The following HERC1 variants were observed in gnomAD, a reference collection of about 807,000 sequenced individuals.
HERC1 encodes probable E3 ubiquitin-protein ligase HERC1.
A neutral mutation model predicts 554.3 loss-of-function variants in HERC1; 160 were observed. The ratio of observed to expected loss-of-function variants is 0.29; its 90% CI spans 0.25 to 0.33. HERC1 has a LOEUF of 0.33. Among genes scored for constraint, HERC1 ranks in the 10% least tolerant of loss-of-function variants. The probability of loss-of-function intolerance (pLI) is 1.00; values close to 1 mark genes in which losing one functional copy is unlikely to be tolerated. For synonymous variants in HERC1, 2,175 were observed against 2,131.7 expected (o/e 1.02, Z -0.56); for missense variants, 4,919 against 5,918.5 (o/e 0.83, Z 5.54).
At chr15:63,812,233 C>G (rs2077346588) in intron 1 of HERC1, among the ~76,000 whole-genome samples, 2 of 152,190 alleles carry the variant, frequency 1.3e-5, no homozygotes, top group Admixed American at 6.5e-5. Context: ...CAGCGAATAG[C>G]CTGGTTCACC....
rs779488866 is a variant in HERC1 at position 63,749,448 on chromosome 15, C to T, written c.2138G>A (p.Ser713Asn). The change falls in exon 10 of 78, where the codon AGT (serine) becomes AAT (asparagine). Residue 713 changes from serine (S) to asparagine (N), a missense_variant. By Grantham distance (46) the Ser-to-Asn change is conservative. This residue lies in a region of HERC1 where 744 missense variants were observed against 1,090.0 expected (regional missense o/e 0.68). Coordinates refer to ENST00000443617, the MANE Select transcript of HERC1 (RefSeq NM_003922.4). The surrounding 1 kb of genome is among the most constrained non-coding windows in gnomAD (Gnocchi z 4.1). ...TGPITKPKKV[S>N]GLDGIAIQQI... is the part of the protein sequence containing the mutation. ...CTGAATAGCTATGCCATCTAAGCCA[C>T]TCACTTTCTTTGGTTTAGTAATAGG... 44 of 1,613,718 alleles carry T rather than the reference C, an allele frequency of 2.7e-5. No individual in the cohort carries two copies. In the African/African-American group the frequency reaches 4.8e-4, roughly 18 times the overall value.
At chr15:63,702,711 T>G (rs1413426932) in intron 25 of HERC1, among the ~76,000 whole-genome samples, 1 of 152,222 alleles carries the variant, frequency 6.6e-6, no homozygotes, top group Non-Finnish European at 1.5e-5. Context: ...CTTAGAACAA[T>G]GCTCATATAG....
chr15:63,697,378 G>T (rs915573649), intron 26 of HERC1, among the ~76,000 whole-genome samples: 1 of 151,864 alleles, frequency 6.6e-6, no homozygotes, highest in Non-Finnish European at 1.5e-5. Context: ...ATGGATTTGG[G>T]GGAAGAATAC....
rs2069581602 is a variant in HERC1 at position 63,649,934 on chromosome 15, G to GA, written c.10547-10dup. 1 of 1,560,388 alleles carries GA rather than the reference G, an allele frequency of 6.4e-7. No homozygotes were observed. Among genetic ancestry groups the GA allele is most frequent in the African/African-American group, 1.4e-5 (1 of 73,004 alleles). ...TACTAATCCTTTTCCTCCTAAAAGGGAAAAAATGTTAACTAGTTTTTACTT... is the reference window on the plus strand; with the variant it reads ...TACTAATCCTTTTCCTCCTAAAAGGGAAAAAAATGTTAACTAGTTTTTACTT... On this transcript the variant is annotated splice_polypyrimidine_tract_variant and intron_variant, in intron 53 of 77. Coordinates refer to ENST00000443617, the MANE Select transcript of HERC1 (RefSeq NM_003922.4).
chr15:63,752,978 C>A lies in HERC1; in HGVS notation c.1882G>T (p.Ala628Ser), dbSNP rs558667337. Reference sequence around the variant, plus strand: ...CCTACCTGCCCTGTTGATGTCAAAGCAAGTGAAGACTGGCTCCCAGCACAA... The same window carrying A: ...CCTACCTGCCCTGTTGATGTCAAAGAAAGTGAAGACTGGCTCCCAGCACAA... ...KVCAGSQSSL[A>S]LTSTGQVYAW... is the part of the protein sequence containing the mutation. Residue 628 changes from alanine to serine, a missense_variant, in exon 8 of 78, where the codon GCT becomes TCT. This residue lies in a region of HERC1 where 744 missense variants were observed against 1,090.0 expected (regional missense o/e 0.68). Transcript: ENST00000443617. 1.2e-6 allele frequency: 2 copies of A among 1,613,564 alleles called. No homozygotes were observed. The highest frequency in any genetic ancestry group is 1.7e-5 in the Admixed American group (1 of 59,980).
Position 63,672,640 on chromosome 15 carries a change from A to G in HERC1, c.7901T>C (p.Val2634Ala). The G allele has an allele frequency of 6.2e-7, 1 of 1,613,012 alleles. No individual in the cohort carries two copies. Among genetic ancestry groups the G allele is most frequent in the South Asian group, 1.1e-5 (1 of 90,758 alleles). The part of the protein sequence containing the change: ...SDPAQQAQTP[V>A]TTSPSASSTT... ...GCTTGAGGCTGATGGGCTAGTAGTA[A>G]CTGGTGTCTGTGCCTGCTGGGCAGG... Residue 2634 changes from valine (V) to alanine (A), a missense_variant, in exon 39 of 78, where the codon GTT becomes GCT. Around this residue, in one of 11 missense-constraint regions of HERC1, gnomAD observed 1,963 missense variants for 2,228.6 expected, o/e 0.88. Coordinates refer to ENST00000443617, the MANE Select transcript of HERC1 (RefSeq NM_003922.4).
At position 63,713,549 on chromosome 15, in the gene HERC1, G is replaced by A; in HGVS notation, c.4267C>T (p.Gln1423Ter). ...RADDPPPQSQ[Q>*]ERRVSTDLPE... ...AGGTCTGTGCTGACCCTTCGCTCTT[G>A]CTGAGACTGAGGAGGTGGATCATCA... The change falls in exon 23 of 78, where the codon CAA becomes TAA. Residue 1423 changes from glutamine (Q) to a stop codon, truncating the protein, a stop_gained. Transcript: ENST00000443617. LOFTEE classifies it high-confidence loss of function. 6.2e-7 allele frequency: 1 copy of A among 1,613,952 alleles called. No individual in the cohort carries two copies. The highest frequency in any genetic ancestry group is 8.5e-7 in the Non-Finnish European group (1 of 1,179,862).
Position 63,691,267 on chromosome 15 carries a change from A to C in HERC1, c.5831-620T>G, listed in dbSNP as rs571555769. On this transcript the variant is annotated intron_variant, in intron 31 of 77. Coordinates refer to ENST00000443617, the MANE Select transcript of HERC1 (RefSeq NM_003922.4). ...GATCACTTAAGGCCAGGAGTTCAAG[A>C]CCAGCCTGGCCAACATGGTGAAACC... Among the ~76,000 whole-genome samples the C allele has an allele frequency of 6.2e-4, 94 of 152,108 alleles. 2 individuals carry two copies. Among genetic ancestry groups the C allele is most frequent in the African/African-American group, 2.1e-3 (89 of 41,522 alleles).
chr15:63,643,066 G>T lies in HERC1; in HGVS notation c.11332-8C>A. 1.3e-6 allele frequency: 2 copies of T among 1,560,118 alleles called. No individual in the cohort carries two copies. The highest frequency in any genetic ancestry group is 1.8e-6 in the Non-Finnish European group (2 of 1,132,762). On this transcript the variant is annotated splice_region_variant and splice_polypyrimidine_tract_variant and intron_variant, in intron 58 of 77. Coordinates refer to ENST00000443617, the MANE Select transcript of HERC1 (RefSeq NM_003922.4). ...TTGCAAGACAGAGCCATCCTAAAAT[G>T]AGATATATTTACCAATACACACCAT...
intron 1 of HERC1, among the ~76,000 whole-genome samples, chr15:63,798,270 T>C (rs2076870108): frequency 6.6e-6 from 1 of 152,172 alleles, no homozygotes; most frequent in South Asian, 2.1e-4. Flanking sequence ...CAAACCAAAA[T>C]CTGATGTTAC....
chr15:63,649,687 G>T (rs2069569646), intron 54 of HERC1, 38 bp downstream of exon 54: 4 of 1,536,060 alleles, frequency 2.6e-6, no homozygotes, highest in Non-Finnish European at 3.6e-6. Flanking sequence ...AAAGGAAGTT[G>T]GAGACTCCGT....
intron 1 of HERC1, among the ~76,000 whole-genome samples, chr15:63,832,672 T>C (rs563507309): frequency 6.6e-6 from 1 of 152,346 alleles, no homozygotes; most frequent in South Asian, 2.1e-4. Context: ...ACAATCATTT[T>C]GGAAAAGGGC....
At chr15:63,789,143 T>C (rs1486846113) in intron 1 of HERC1, among the ~76,000 whole-genome samples, 1 of 116,468 alleles carries the variant, frequency 8.6e-6, no homozygotes, top group Non-Finnish European at 1.7e-5. Context: ...CAGGCTGGAG[T>C]GCAGTGGTGC....
At chr15:63,765,136 C>A (rs7175726) in intron 2 of HERC1, among the ~76,000 whole-genome samples, 123,601 of 152,096 alleles carry the variant, frequency 0.81, 52,037 homozygotes, top group Non-Finnish European at 0.87. Flanking sequence ...TAACTACTCT[C>A]TGTTCACCTT....
chr15:63,661,161 G>A (rs758233555), intron 45 of HERC1, 136 bp from the exon 46 acceptor site: 2 of 650,776 alleles, frequency 3.1e-6, no homozygotes, highest in Non-Finnish European at 2.7e-6. Context: ...CATGTTATAG[G>A]CTAACATAAT....
At chr15:63,658,821 T>C (rs2070191969) in intron 47 of HERC1, 103 bp from the exon 48 acceptor site, 7 of 866,888 alleles carry the variant, frequency 8.1e-6, no homozygotes, top group Middle Eastern at 6.4e-4. Context: ...AACAAACCAA[T>C]GTCTTTTGCT....
intron 70 of HERC1, 54 bp downstream of exon 70, chr15:63,628,623 T>G: frequency 6.5e-7 from 1 of 1,539,012 alleles, no homozygotes. Flanking sequence ...GACAGTGCCA[T>G]GGGGTACTGC....
At chr15:63,757,773 G>T (rs2075478551) in intron 4 of HERC1, among the ~76,000 whole-genome samples, 1 of 152,122 alleles carries the variant, frequency 6.6e-6, no homozygotes. Context: ...GCAGTGGCAT[G>T]TTCTCAGCTC....
At chr15:63,652,318 AT>A in intron 52 of HERC1, 95 bp downstream of exon 52, 1 of 1,189,072 alleles carries the variant, frequency 8.4e-7, no homozygotes, top group Non-Finnish European at 1.1e-6. Context: ...ATTTCAAAAA[AT>A]TTTAGTGACA....
Sources: allele counts gnomAD v4.1 joint callset (sites outside exome capture counted in the v4.1 genomes callset), GRCh38; gene constraint gnomAD v4.1.1; regional missense constraint gnomAD v4.1.1; non-coding constraint Gnocchi (gnomAD v3.1); transcripts MANE v1.5; gene names NCBI Gene and HGNC (gene_info 2026-07-23, HGNC 2026-07-21).